Variants in IQSEC1 observed in about 807,000 individuals in gnomAD.
The protein encoded by IQSEC1 is IQ motif and SEC7 domain-containing protein 1.
Under a neutral mutation model 91.0 loss-of-function variants are expected in IQSEC1, and 31 were observed. The ratio of observed to expected loss-of-function variants is 0.34; its 90% CI spans 0.26 to 0.46. IQSEC1 has a LOEUF of 0.46. Ranked by LOEUF, IQSEC1 falls within the 20% of genes least tolerant of loss-of-function variation. The pLI, the probability that IQSEC1 is intolerant of heterozygous loss-of-function variation, is 1.00. For synonymous variants in IQSEC1, 699 were observed against 662.6 expected (o/e 1.05, Z -0.84); for missense variants, 1,388 against 1,575.6 (o/e 0.88, Z 2.02).
At chr3:13,130,326 A>G (rs1279220263) in intron 2 of IQSEC1, among the ~76,000 whole-genome samples, 1 of 146,738 alleles carries the variant, frequency 6.8e-6, no homozygotes, top group Non-Finnish European at 1.5e-5. Context: ...CCTGGGCGAC[A>G]GAACGAGACT....
intron 1 of IQSEC1, among the ~76,000 whole-genome samples, chr3:13,028,933 G>A (rs1468965651): frequency 1.3e-5 from 2 of 152,144 alleles, no homozygotes; most frequent in African/African-American, 4.8e-5. Context: ...GCTGGCCAAG[G>A]GATCCTCACA....
intron 2 of IQSEC1, among the ~76,000 whole-genome samples, chr3:13,149,210 G>A (rs1706949567): frequency 6.6e-6 from 1 of 152,232 alleles, no homozygotes; most frequent in Non-Finnish European, 1.5e-5. Flanking sequence ...GCACAGCAGG[G>A]CTGTGAGGTG....
chr3:13,194,532 C>T (rs1048144675), intron 1 of IQSEC1, among the ~76,000 whole-genome samples: 6 of 152,144 alleles, frequency 3.9e-5, no homozygotes, highest in African/African-American at 9.7e-5. Context: ...CCTGTCAAGG[C>T]GCCCCAACTC....
At chr3:13,141,911 G>A (rs1245228396) in intron 2 of IQSEC1, among the ~76,000 whole-genome samples, 1 of 152,220 alleles carries the variant, frequency 6.6e-6, no homozygotes, top group Non-Finnish European at 1.5e-5. Flanking sequence ...TCAGAGCTGG[G>A]AGAGCCAGGA....
intron 1 of IQSEC1, among the ~76,000 whole-genome samples, chr3:13,175,165 A>C (rs1316726800): frequency 6.6e-6 from 1 of 152,174 alleles, no homozygotes; most frequent in East Asian, 1.9e-4. Flanking sequence ...CTGAGCTTCC[A>C]GGAGCTTCCC....
Position 12,899,814 on chromosome 3 carries a change from G to C in IQSEC1, c.*1169C>G. The C allele has an allele frequency of 1.0e-6, 1 of 985,440 alleles. No homozygotes were observed. Among genetic ancestry groups the C allele is most frequent in the Non-Finnish European group, 1.2e-6 (1 of 829,936 alleles). The allele number at this position is 985,440 out of a possible 1,614,324, so 61.0% of individuals were successfully genotyped here. ...CACTCTCTGAGGGCTTCGGCCTGGT[G>C]TGGGTTGGAGGCGGGATGAGGACGT... On this transcript the variant is annotated 3_prime_UTR_variant, in exon 14 of 14. Coordinates refer to ENST00000613206, the MANE Select transcript of IQSEC1 (RefSeq NM_001134382.3).
Position 13,277,137 on chromosome 3 carries a change from A to AAAAAAAAAAAAC in IQSEC1, c.272+5573_272+5574insGTTTTTTTTTTT, listed in dbSNP as rs60347391. On this transcript the variant is annotated intron_variant, in intron 1 of 15. Coordinates refer to the IQSEC1 transcript ENST00000648114. The stretch of plus-strand genomic sequence containing the variant: ...AAAAAAAAAAAAAAAAAAAAAAAAA[A>AAAAAAAAAAAAC]CAGAAAACAAGACACAAAAGACCGG... Among the ~76,000 whole-genome samples, 52 of 118,378 alleles carry AAAAAAAAAAAAC rather than the reference A, an allele frequency of 4.4e-4. 3 individuals are homozygous for AAAAAAAAAAAAC. Among genetic ancestry groups the AAAAAAAAAAAAC allele is most frequent in the African/African-American group, 1.7e-3 (48 of 27,458 alleles). The allele number at this position is 118,378 out of a possible 152,430, so 77.7% of individuals were successfully genotyped here. A position where few individuals can be genotyped will look rare whatever the true frequency, so the allele number is the denominator to read the frequency against.
At chr3:13,166,299 T>G (rs149468) in intron 1 of IQSEC1, among the ~76,000 whole-genome samples, 67,514 of 152,182 alleles carry the variant, frequency 0.44, 15,097 homozygotes, top group Admixed American at 0.52. Flanking sequence ...TCTCTATTTA[T>G]GTCTCTTAGG....
At chr3:13,078,083 G>C (rs1705591292), upstream of IQSEC1, among the ~76,000 whole-genome samples, 2 of 152,206 alleles carry the variant, frequency 1.3e-5, no homozygotes, top group Non-Finnish European at 2.9e-5. Flanking sequence ...CTCCCTGCAG[G>C]AGCTCACGCT....
rs1047069801 is a variant in IQSEC1 at position 13,207,537 on chromosome 3, G to T, written c.273-43404C>A. Among the ~76,000 whole-genome samples the T allele has an allele frequency of 4.4e-4, 67 of 152,170 alleles. No individual in the cohort carries two copies. Among genetic ancestry groups the T allele is most frequent in the Admixed American group, 9.8e-4 (15 of 15,282 alleles). On this transcript the variant is annotated intron_variant, in intron 1 of 15. Coordinates refer to the IQSEC1 transcript ENST00000648114. The surrounding 1 kb of genome is among the most constrained non-coding windows in gnomAD (Gnocchi z 4.8). ...GCCAACGTGCCAGTGGGTTCCCTTC[G>T]TACTCCACGCCAGTTCCCATTCGCA...
At chr3:12,906,030 C>T (rs1436970655) in intron 12 of IQSEC1, among the ~76,000 whole-genome samples, 2 of 152,226 alleles carry the variant, frequency 1.3e-5, no homozygotes, top group African/African-American at 4.8e-5. Context: ...CCCCTTCCCT[C>T]TAACTCTTGG....
chr3:12,899,266 G>C lies in IQSEC1; in HGVS notation c.*1717C>G. The C allele has an allele frequency of 9.1e-7, 1 of 1,100,204 alleles. No homozygotes were observed. Among genetic ancestry groups the C allele is most frequent in the South Asian group, 1.4e-5 (1 of 69,006 alleles). The allele number at this position is 1,100,204 out of a possible 1,614,324, so 68.2% of individuals were successfully genotyped here. A position where few individuals can be genotyped will look rare whatever the true frequency, so the allele number is the denominator to read the frequency against. ...CCCTCTCCTCCTGCCGTCCGGCCAC[G>C]GCTCACCACGCTGTCCACTGGGAAC... On this transcript the variant is annotated 3_prime_UTR_variant, in exon 14 of 14. Transcript: ENST00000613206.
chr3:13,145,084 G>A (rs573914291), intron 2 of IQSEC1, among the ~76,000 whole-genome samples: 1 of 152,330 alleles, frequency 6.6e-6, no homozygotes, highest in Non-Finnish European at 1.5e-5. Context: ...ACCTGTGAAG[G>A]GTGGGGGGGC....
intron 2 of IQSEC1, among the ~76,000 whole-genome samples, chr3:13,109,759 G>C (rs944670447): frequency 3.4e-5 from 5 of 148,542 alleles, no homozygotes; most frequent in Non-Finnish European, 7.4e-5. Context: ...CATGCTTCCC[G>C]TATAGCCTGC....
chr3:13,276,047 A>T (rs1441360832), intron 1 of IQSEC1, among the ~76,000 whole-genome samples: 1 of 151,644 alleles, frequency 6.6e-6, no homozygotes, highest in Admixed American at 6.6e-5. Flanking sequence ...TTTTGTAATA[A>T]AACATTGAGG....
chr3:12,956,092 TCAGA>T (rs1327219629), intron 1 of IQSEC1, among the ~76,000 whole-genome samples: 1 of 152,082 alleles, frequency 6.6e-6, no homozygotes, highest in Admixed American at 6.6e-5. Context: ...TTGATAACAG[TCAGA>T]CAAAGCGAGG....
At chr3:12,964,478 CGG>C (rs1161237785) in intron 1 of IQSEC1, among the ~76,000 whole-genome samples, 1 of 152,180 alleles carries the variant, frequency 6.6e-6, no homozygotes, top group African/African-American at 2.4e-5. Context: ...GAAAATCCAG[CGG>C]GTCATTGGTG....
At chr3:12,930,423 T>C (rs924742469) in intron 3 of IQSEC1, among the ~76,000 whole-genome samples, 14 of 152,202 alleles carry the variant, frequency 9.2e-5, no homozygotes, top group African/African-American at 3.4e-4. Flanking sequence ...GCTCAGGCCC[T>C]AAGACCTAGT....
rs1281721904 is a variant in IQSEC1, at chr3:12,898,773, C to T, written c.*2210G>A. 6.5e-6 allele frequency: 1 copy of T among 153,004 alleles called. No individual in the cohort carries two copies. The highest frequency in any genetic ancestry group is 2.4e-5 in the African/African-American group (1 of 41,476). 9.5% of individuals were successfully genotyped at this position (153,004 alleles called of 1,614,324 possible). ...GTCACGCCAATACATTTTGCAAACG[C>T]ACAACACGCAGAGCGCAGCCTCACA... On this transcript the variant is annotated 3_prime_UTR_variant, in exon 14 of 14. Transcript: ENST00000613206.
Sources: allele counts gnomAD v4.1 joint callset (sites outside exome capture counted in the v4.1 genomes callset), GRCh38; gene constraint gnomAD v4.1.1; non-coding constraint Gnocchi (gnomAD v3.1); transcripts MANE v1.5; gene names NCBI Gene and HGNC (gene_info 2026-07-23, HGNC 2026-07-21).